NR3C2: variants seen among roughly 807,000 people sequenced by gnomAD.
NR3C2 encodes the protein nuclear receptor subfamily 3 group C member 2.
NR3C2 carries 15 observed loss-of-function variants against 86.4 expected under a neutral mutation model. That is an observed-to-expected ratio of 0.17 (90% confidence interval 0.12 to 0.27). The LOEUF (loss-of-function observed/expected upper bound fraction) is 0.27. NR3C2 is among the 10% of genes least tolerant of loss of function. The pLI is 1.00. For missense variants in NR3C2, 960 were observed against 1,195.6 expected (o/e 0.80, Z 2.91); for synonymous variants, 458 against 450.5 (o/e 1.02, Z -0.21).
chr4:148,342,274 A>AACAC (rs70962713), intron 2 of NR3C2, among the ~76,000 whole-genome samples: 8 of 150,954 alleles, frequency 5.3e-5, no homozygotes, highest in East Asian at 3.9e-4. Context: ...TAAATAACAT[A>AACAC]ACACACACAC....
chr4:148,294,833 A>C (rs1461829067), intron 2 of NR3C2, among the ~76,000 whole-genome samples: 1 of 151,958 alleles, frequency 6.6e-6, no homozygotes, highest in Non-Finnish European at 1.5e-5. Context: ...TAAAAAAAAT[A>C]AAAAGTCAGC....
At position 148,210,978 on chromosome 4, in the gene NR3C2, G is replaced by A. The variant is rs113479493; in HGVS notation, c.1898-16116C>T. On this transcript the variant is annotated intron_variant, in intron 3 of 8. Transcript: ENST00000358102. ...GGTCCTGAAAAGAGGAATGGTTGAC[G>A]AAAAGATATAAAGTGATCATTAGAA... 1.8e-4 allele frequency among the ~76,000 whole-genome samples: 28 copies of A among 152,242 alleles called. No individual in the cohort carries two copies. The South Asian group carries it at 3.1e-3, about 17-fold the overall frequency.
intron 2 of NR3C2, among the ~76,000 whole-genome samples, chr4:148,326,288 C>T (rs113183245): frequency 4.7e-4 from 71 of 151,486 alleles, no homozygotes; most frequent in African/African-American, 1.6e-3. Flanking sequence ...GTAGTCCCAG[C>T]TACTCAGGAG....
intron 8 of NR3C2, among the ~76,000 whole-genome samples, chr4:148,083,505 A>T (rs1294545290): frequency 6.6e-6 from 1 of 152,226 alleles, no homozygotes; most frequent in African/African-American, 2.4e-5. Context: ...AACAAAAAGG[A>T]TGTCCACAAA....
At chr4:148,234,889 G>T (rs1738669271) in intron 3 of NR3C2, among the ~76,000 whole-genome samples, 1 of 152,078 alleles carries the variant, frequency 6.6e-6, no homozygotes, top group African/African-American at 2.4e-5. Flanking sequence ...TGTCATGGGG[G>T]TTTGGTGTAC....
chr4:148,173,530 T>G (rs1735231086), intron 4 of NR3C2, among the ~76,000 whole-genome samples: 1 of 152,198 alleles, frequency 6.6e-6, no homozygotes, highest in Non-Finnish European at 1.5e-5. Context: ...GGTAAGCAAG[T>G]GAATTCTCTC....
chr4:148,284,431 G>C (rs772622688), intron 2 of NR3C2, among the ~76,000 whole-genome samples: 1 of 152,090 alleles, frequency 6.6e-6, no homozygotes, highest in Non-Finnish European at 1.5e-5. Context: ...TCTGAGTGTC[G>C]ATAGCTCATG....
chr4:148,372,591 C>T (rs1235240826), intron 2 of NR3C2, among the ~76,000 whole-genome samples: 1 of 152,062 alleles, frequency 6.6e-6, no homozygotes, highest in East Asian at 1.9e-4. Context: ...TAGTTCACAG[C>T]AACTTTATTT....
At chr4:148,181,462 A>G (rs940604172) in intron 4 of NR3C2, among the ~76,000 whole-genome samples, 6 of 152,200 alleles carry the variant, frequency 3.9e-5, no homozygotes, top group Non-Finnish European at 8.8e-5. Context: ...GCCAGGGGGC[A>G]GTCAAGCTAG....
intron 2 of NR3C2, among the ~76,000 whole-genome samples, chr4:148,303,133 A>G (rs1488410894): frequency 6.6e-6 from 1 of 152,214 alleles, no homozygotes; most frequent in Non-Finnish European, 1.5e-5. Flanking sequence ...CAGTGCTATC[A>G]TAATTTTTTT....
At chr4:148,293,829 A>G (rs1480246303) in intron 2 of NR3C2, among the ~76,000 whole-genome samples, 1 of 152,182 alleles carries the variant, frequency 6.6e-6, no homozygotes, top group Non-Finnish European at 1.5e-5. Flanking sequence ...TAATGGTTAC[A>G]AAAGTCTTCC....
rs59721652 is a variant in NR3C2 at position 148,173,212 on chromosome 4, T to C, written c.2015-18311A>G. Among the ~76,000 whole-genome samples the C allele has an allele frequency of 5.5e-3, 841 of 152,304 alleles. 11 individuals carry two copies. The highest frequency in any genetic ancestry group is 0.019 in the African/African-American group (797 of 41,556). On this transcript the variant is annotated intron_variant, in intron 4 of 8. Coordinates refer to ENST00000358102, the MANE Select transcript of NR3C2 (RefSeq NM_000901.5). ...TTTTTGTTGGACATAGGTCATTACA[T>C]AGTATGGTGGGAAGAATAACGAAGA...
At chr4:148,353,439 C>A (rs1745397043) in intron 2 of NR3C2, among the ~76,000 whole-genome samples, 1 of 152,018 alleles carries the variant, frequency 6.6e-6, no homozygotes, top group Admixed American at 6.6e-5. Flanking sequence ...CAACAATATA[C>A]ATCTTCCATA....
At chr4:148,314,090 G>C (rs1024363755) in intron 2 of NR3C2, among the ~76,000 whole-genome samples, 1 of 152,118 alleles carries the variant, frequency 6.6e-6, no homozygotes, top group Non-Finnish European at 1.5e-5. Flanking sequence ...AAACTCTATG[G>C]AGGGCAAGTA....
chr4:148,283,891 A>G (rs577628167), intron 2 of NR3C2, among the ~76,000 whole-genome samples: 1 of 152,320 alleles, frequency 6.6e-6, no homozygotes, highest in South Asian at 2.1e-4. Flanking sequence ...ACTCTTTCAT[A>G]ACACACAGGA....
intron 4 of NR3C2, among the ~76,000 whole-genome samples, chr4:148,184,193 G>A (rs980337239): frequency 2.0e-4 from 31 of 152,092 alleles, no homozygotes; most frequent in Middle Eastern, 6.8e-3. Context: ...GCTCACGCCT[G>A]TAATCCCAGC....
intron 2 of NR3C2, among the ~76,000 whole-genome samples, chr4:148,318,626 GTGA>G (rs1743358755): frequency 2.0e-5 from 3 of 152,342 alleles, no homozygotes; most frequent in Admixed American, 2.0e-4. Flanking sequence ...CTAACGGCCA[GTGA>G]TGATGAGCAT....
intron 8 of NR3C2, among the ~76,000 whole-genome samples, chr4:148,098,789 C>T (rs1157853881): frequency 6.6e-6 from 1 of 152,204 alleles, no homozygotes; most frequent in African/African-American, 2.4e-5. Flanking sequence ...CTTAATTGGT[C>T]AATTGGCATC....
chr4:148,403,190 A>G (rs1295848972), intron 2 of NR3C2, among the ~76,000 whole-genome samples: 1 of 152,074 alleles, frequency 6.6e-6, no homozygotes, highest in Non-Finnish European at 1.5e-5. Context: ...AAATCCTTAC[A>G]TTTCCCCTCA....
Sources: gnomAD v4.1 joint callset for allele counts (sites outside exome capture counted in the v4.1 genomes callset) on GRCh38, gnomAD v4.1.1 for gene constraint, MANE v1.5 for transcripts, NCBI Gene and HGNC (gene_info 2026-07-23, HGNC 2026-07-21) for gene names.